The following EPSTI1 variants were observed in gnomAD, a reference collection of about 807,000 sequenced individuals.
EPSTI1 encodes epithelial stromal interaction 1.
In EPSTI1, 66 loss-of-function variants were observed where a neutral mutation model predicts 49.9. The ratio of observed to expected loss-of-function variants is 1.32; its 90% CI spans 1.08 to 1.62. The LOEUF (loss-of-function observed/expected upper bound fraction) is 1.62. Among genes scored for constraint, EPSTI1 ranks in the 40% most tolerant of loss-of-function variants. The probability of loss-of-function intolerance (pLI) is 0.00; values close to 1 mark genes in which losing one functional copy is unlikely to be tolerated. For missense variants in EPSTI1, 394 were observed against 365.5 expected (o/e 1.08, Z -0.64); for synonymous variants, 137 against 130.7 (o/e 1.05, Z -0.33).
intron 1 of EPSTI1, among the ~76,000 whole-genome samples, chr13:42,979,720 C>G (rs79019312): frequency 6.6e-6 from 1 of 151,778 alleles, no homozygotes; most frequent in Non-Finnish European, 1.5e-5. Context: ...TGCTTTTTCT[C>G]TTTTAACCAT....
intron 6 of EPSTI1, among the ~76,000 whole-genome samples, chr13:42,944,681 TAAA>T (rs945744845): frequency 6.6e-6 from 1 of 151,746 alleles, no homozygotes; most frequent in African/African-American, 2.4e-5. Context: ...AAAATAAAAA[TAAA>T]AAACTGGCCT....
At chr13:42,977,278 CA>C (rs1340605733) in intron 1 of EPSTI1, among the ~76,000 whole-genome samples, 2 of 152,110 alleles carry the variant, frequency 1.3e-5, no homozygotes, top group African/African-American at 4.8e-5. Context: ...ATTCTTTAAC[CA>C]AAAGAGATGT....
At chr13:42,972,858 AAAAT>A (rs2039798517) in intron 1 of EPSTI1, among the ~76,000 whole-genome samples, 1 of 152,194 alleles carries the variant, frequency 6.6e-6, no homozygotes, top group Admixed American at 6.5e-5. Context: ...GAAAAAAACA[AAAAT>A]AAATAAATAA....
intron 6 of EPSTI1, among the ~76,000 whole-genome samples, chr13:42,940,121 T>A (rs2038703815): frequency 6.6e-6 from 1 of 152,220 alleles, no homozygotes; most frequent in Non-Finnish European, 1.5e-5. Flanking sequence ...GTGGTCCACT[T>A]GACCTGCCTA....
At chr13:42,902,360 C>G (rs2153412440) in intron 8 of EPSTI1, among the ~76,000 whole-genome samples, 1 of 152,212 alleles carries the variant, frequency 6.6e-6, no homozygotes, top group Admixed American at 6.5e-5. Context: ...CCTCTGATTC[C>G]TCAACTTAAC....
chr13:42,953,364 A>G (rs1332564818), intron 6 of EPSTI1, among the ~76,000 whole-genome samples: 1 of 152,212 alleles, frequency 6.6e-6, no homozygotes, highest in African/African-American at 2.4e-5. Context: ...TAGGGCCAGA[A>G]AGGACATGAG....
chr13:42,950,955 G>A (rs1362082076), intron 6 of EPSTI1, among the ~76,000 whole-genome samples: 1 of 152,054 alleles, frequency 6.6e-6, no homozygotes, highest in East Asian at 1.9e-4. Flanking sequence ...TCAGGAGTTT[G>A]AGACTACCCT....
chr13:42,965,581 A>T (rs1417099648), intron 3 of EPSTI1, among the ~76,000 whole-genome samples: 2 of 152,218 alleles, frequency 1.3e-5, no homozygotes, highest in Non-Finnish European at 2.9e-5. Context: ...CTGAGGAAAG[A>T]TGTCATTCTG....
Position 42,896,592 on chromosome 13 carries a change from T to C in EPSTI1, c.816-1484A>G, listed in dbSNP as rs890368662. On this transcript the variant is annotated intron_variant, in intron 9 of 10. Transcript: ENST00000313624. The stretch of plus-strand genomic sequence containing the variant: ...TACCATTCTAGTTCAAATTACTATA[T>C]CTTCACCTTGCTAGTGCTTTCACTC... Among the ~76,000 whole-genome samples the C allele has an allele frequency of 2.0e-5, 3 of 152,226 alleles. No homozygotes were observed. The South Asian group carries it at 6.2e-4, about 32-fold the overall frequency.
intron 8 of EPSTI1, 100 bp downstream of exon 8, chr13:42,917,441 G>A: frequency 9.7e-7 from 1 of 1,032,638 alleles, no homozygotes; most frequent in Admixed American, 2.1e-5. Context: ...CTTGTTTTCA[G>A]GATTTTCATG....
intron 6 of EPSTI1, among the ~76,000 whole-genome samples, chr13:42,943,668 C>T (rs569952958): frequency 1.3e-5 from 2 of 152,156 alleles, no homozygotes; most frequent in Non-Finnish European, 2.9e-5. Flanking sequence ...AAAAAAGGAA[C>T]TAGTCAACTT....
At chr13:42,986,404 A>AGAACT (rs56144289) in intron 1 of EPSTI1, among the ~76,000 whole-genome samples, 2 of 151,784 alleles carry the variant, frequency 1.3e-5, no homozygotes, top group Non-Finnish European at 2.9e-5. Flanking sequence ...AGCTAGCTTA[A>AGAACT]GAGACTGGTA....
At chr13:42,899,260 CT>C (rs372579718) in intron 9 of EPSTI1, among the ~76,000 whole-genome samples, 6 of 151,962 alleles carry the variant, frequency 3.9e-5, no homozygotes, top group African/African-American at 1.4e-4. Flanking sequence ...AAATTATGGC[CT>C]ACTTTATAAT....
chr13:42,889,542 C>A (rs897457134), intron 10 of EPSTI1, among the ~76,000 whole-genome samples: 3 of 152,172 alleles, frequency 2.0e-5, no homozygotes, highest in Admixed American at 6.5e-5. Context: ...TGAATTGAGG[C>A]ATAGCTTTCC....
intron 3 of EPSTI1, among the ~76,000 whole-genome samples, chr13:42,965,673 G>GACC (rs1324959758): frequency 0.051 from 3,692 of 72,898 alleles, 706 homozygotes; most frequent in Middle Eastern, 0.13. Flanking sequence ...ATCAGCTGGA[G>GACC]TCCCTGTCCC....
Position 42,971,414 on chromosome 13 carries a change from AATG to A in EPSTI1, c.189-747_189-745del, listed in dbSNP as rs1303049071. 2.6e-5 allele frequency among the ~76,000 whole-genome samples: 4 copies of A among 152,326 alleles called. No homozygotes were observed. The East Asian group carries it at 7.7e-4, about 29-fold the overall frequency. On this transcript the variant is annotated intron_variant, in intron 1 of 10. Transcript: ENST00000313624. ...ATAAATGTGGGCTGAATTAAAACAA[AATG>A]ATGCTACAGACCCAGCCTGTGAGTC...
intron 6 of EPSTI1, among the ~76,000 whole-genome samples, chr13:42,944,619 G>C (rs1388489485): frequency 1.3e-5 from 2 of 152,148 alleles, no homozygotes; most frequent in Non-Finnish European, 2.9e-5. Flanking sequence ...GTATACCTAT[G>C]TAACAAAGCT....
intron 8 of EPSTI1, among the ~76,000 whole-genome samples, chr13:42,911,273 A>ACG (rs1328993248): frequency 5.3e-5 from 5 of 94,914 alleles, no homozygotes; most frequent in East Asian, 5.9e-4. Context: ...GTGCGCGCGC[A>ACG]CGCGCGCACA....
chr13:42,957,987 G>T (rs1478535888), intron 5 of EPSTI1, among the ~76,000 whole-genome samples: 1 of 152,164 alleles, frequency 6.6e-6, no homozygotes, highest in African/African-American at 2.4e-5. Context: ...GCCCAGACTG[G>T]TCTCAAAGCC....
Sources: allele counts gnomAD v4.1 joint callset (sites outside exome capture counted in the v4.1 genomes callset), GRCh38; gene constraint gnomAD v4.1.1; transcripts MANE v1.5; gene names NCBI Gene and HGNC (gene_info 2026-07-23, HGNC 2026-07-21).